PLA2G5: variants seen among roughly 807,000 people sequenced by gnomAD.
PLA2G5 encodes the protein Ca2+-dependent phospholipase A2.
A neutral mutation model predicts 15.9 loss-of-function variants in PLA2G5; 12 were observed. That is an observed-to-expected ratio of 0.76 (90% CI 0.48 to 1.23). PLA2G5 has a LOEUF of 1.23. Ranked by LOEUF, PLA2G5 falls within the 50% of genes most tolerant of loss-of-function variation. The pLI, the probability that PLA2G5 is intolerant of heterozygous loss-of-function variation, is 0.00. For missense variants in PLA2G5, 169 were observed against 177.1 expected (o/e 0.95, Z 0.26); for synonymous variants, 71 against 71.4 (o/e 0.99, Z 0.03).
chr1:20,056,464 T>C (rs1218636308), intron 1 of PLA2G5, among the ~76,000 whole-genome samples: 1 of 152,202 alleles, frequency 6.6e-6, no homozygotes, highest in African/African-American at 2.4e-5. Flanking sequence ...CTGTATCTAT[T>C]GCTACGATTG....
intron 1 of PLA2G5, among the ~76,000 whole-genome samples, chr1:20,048,370 T>C (rs1569676397): frequency 6.6e-6 from 1 of 152,172 alleles, no homozygotes; most frequent in Admixed American, 6.6e-5. Context: ...TACCAAATAC[T>C]ATAAGGCATC....
upstream of PLA2G5, among the ~76,000 whole-genome samples, chr1:20,066,847 G>GA (rs957763845): frequency 4.6e-5 from 7 of 151,240 alleles, no homozygotes; most frequent in Non-Finnish European, 1.0e-4. Context: ...TCTCTAAAAA[G>GA]AAAAAAAAAT....
chr1:20,067,990 G>T (rs2015136801), upstream of PLA2G5, among the ~76,000 whole-genome samples: 1 of 151,842 alleles, frequency 6.6e-6, no homozygotes, highest in Non-Finnish European at 1.5e-5. Flanking sequence ...ATGGTGACAG[G>T]CCCCCGTAAT....
At chr1:20,047,986 C>G (rs1244711304) in intron 1 of PLA2G5, among the ~76,000 whole-genome samples, 1 of 152,018 alleles carries the variant, frequency 6.6e-6, no homozygotes, top group Non-Finnish European at 1.5e-5. Context: ...GTTATTGAAA[C>G]AGGTTTTCAA....
At chr1:20,085,382 A>T (rs1360920087) in intron 2 of PLA2G5, among the ~76,000 whole-genome samples, 3 of 151,844 alleles carry the variant, frequency 2.0e-5, no homozygotes, top group African/African-American at 7.3e-5. Context: ...CTGCTCCTTG[A>T]TGTCTTGCTA....
intron 1 of PLA2G5, among the ~76,000 whole-genome samples, chr1:20,074,575 G>A (rs2015568841): frequency 6.6e-6 from 1 of 152,104 alleles, no homozygotes; most frequent in Admixed American, 6.5e-5. Context: ...TCCTTTTCCT[G>A]AGAAGTCGAG....
In PLA2G5 at chr1:20,090,443, C is replaced by T. The variant is rs11573289; in HGVS notation, c.293-125C>T. On this transcript the variant is annotated intron_variant, in intron 4 of 4. Transcript: ENST00000375108. ...CCTTCCATCAGATTCTCTATTCCCC[C>T]GATTTAGGAGCCATGCCTCTTCCAT... 4.3e-3 allele frequency: 4,080 copies of T among 946,530 alleles called. 39 individuals are homozygous for T. The highest frequency in any genetic ancestry group is 0.024 in the Admixed American group (1,289 of 52,924). 58.6% of individuals were successfully genotyped at this position (946,530 alleles called of 1,614,324 possible). A position where few individuals can be genotyped will look rare whatever the true frequency, so the allele number is the denominator to read the frequency against.
chr1:20,045,944 C>T (rs1490361653), intron 1 of PLA2G5, among the ~76,000 whole-genome samples: 1 of 152,150 alleles, frequency 6.6e-6, no homozygotes, highest in Non-Finnish European at 1.5e-5. Flanking sequence ...TGCTGTACAA[C>T]TCTACCCACC....
chr1:20,061,929 G>A (rs2063053), intron 2 of PLA2G5, among the ~76,000 whole-genome samples: 18,750 of 152,248 alleles, frequency 0.12, 1,379 homozygotes, highest in Admixed American at 0.23. Flanking sequence ...TCCCAATATT[G>A]GAGGTGGAGC....
At position 20,042,413 on chromosome 1, in the gene PLA2G5, G is replaced by T. The variant is rs560076929; in HGVS notation, n.276+13704G>T. On this transcript the variant is annotated intron_variant and non_coding_transcript_variant, in intron 1 of 6. Coordinates refer to the PLA2G5 transcript ENST00000460175. ...GGTATTAGGAATAATGTGGGGGCCA[G>T]CCTAAAACAGTAATGTCAAGTTGTT... 6.6e-5 allele frequency among the ~76,000 whole-genome samples: 10 copies of T among 152,286 alleles called. No homozygotes were observed. The South Asian group carries it at 2.1e-3, about 32-fold the overall frequency.
rs750300829 is a variant in PLA2G5 at position 20,086,072 on chromosome 1, C to T, written c.41-11C>T. 1 of 1,613,868 alleles carries T rather than the reference C, an allele frequency of 6.2e-7. No homozygotes were observed. The highest frequency in any genetic ancestry group is 1.1e-5 in the South Asian group (1 of 91,052). ...CCTGGGTGTCACCTGGGGACATGGG[C>T]TATCTTCCAGGTGTGCCTGCTGTGC... On this transcript the variant is annotated splice_polypyrimidine_tract_variant and intron_variant, in intron 2 of 4. Coordinates refer to ENST00000375108, the MANE Select transcript of PLA2G5 (RefSeq NM_000929.3).
At chr1:20,090,501 TG>T in intron 4 of PLA2G5, 66 bp from the exon 5 acceptor site, 1 of 1,568,116 alleles carries the variant, frequency 6.4e-7, no homozygotes, top group Non-Finnish European at 8.8e-7. Flanking sequence ...AGGAAGTCCA[TG>T]GGGTCTCTGC....
intron 2 of PLA2G5, among the ~76,000 whole-genome samples, chr1:20,085,523 G>C (rs1207374434): frequency 6.6e-6 from 1 of 152,142 alleles, no homozygotes; most frequent in Non-Finnish European, 1.5e-5. Flanking sequence ...GAGGGAACTG[G>C]CTTCAGCGAT....
chr1:20,061,904 A>C (rs1397216172), intron 2 of PLA2G5, among the ~76,000 whole-genome samples: 2 of 152,206 alleles, frequency 1.3e-5, no homozygotes. Context: ...CCCAGATCTC[A>C]TGTTGAAATG....
intron 1 of PLA2G5, among the ~76,000 whole-genome samples, chr1:20,048,924 C>T (rs1483522126): frequency 6.6e-6 from 1 of 151,868 alleles, no homozygotes; most frequent in Non-Finnish European, 1.5e-5. Context: ...GGGTATTTTC[C>T]AATAAAAATA....
At chr1:20,055,388 G>C (rs1412009294) in intron 1 of PLA2G5, among the ~76,000 whole-genome samples, 2 of 152,158 alleles carry the variant, frequency 1.3e-5, no homozygotes, top group East Asian at 3.8e-4. Context: ...AGTCCTTGTA[G>C]CCAGAATTCT....
chr1:20,032,803 G>C (rs2013034541), intron 1 of PLA2G5, among the ~76,000 whole-genome samples: 1 of 152,154 alleles, frequency 6.6e-6, no homozygotes, highest in South Asian at 2.1e-4. Flanking sequence ...TGTATGTTGG[G>C]AAAAATGGGC....
chr1:20,059,032 G>A (rs1437629094), intron 1 of PLA2G5, among the ~76,000 whole-genome samples: 1 of 150,956 alleles, frequency 6.6e-6, no homozygotes, highest in Non-Finnish European at 1.5e-5. Context: ...AAATTAGCCA[G>A]GCATGGTGGT....
At chr1:20,076,177 T>C (rs1181582268) in intron 1 of PLA2G5, among the ~76,000 whole-genome samples, 1 of 152,170 alleles carries the variant, frequency 6.6e-6, no homozygotes, top group Non-Finnish European at 1.5e-5. Context: ...GGCCTGGAAA[T>C]GTGGATGTCT....
Sources: gnomAD v4.1 joint callset for allele counts (sites outside exome capture counted in the v4.1 genomes callset) on GRCh38, gnomAD v4.1.1 for gene constraint, MANE v1.5 for transcripts, NCBI Gene and HGNC (gene_info 2026-07-23, HGNC 2026-07-21) for gene names.